CAPN8: variants seen among roughly 807,000 people sequenced by gnomAD.
CAPN8 encodes the protein calpain 8.
In CAPN8, 87 loss-of-function variants were observed where a neutral mutation model predicts 80.9. The ratio of observed to expected loss-of-function variants is 1.07; its 90% CI spans 0.90 to 1.28. The LOEUF is 1.28. Ranked by LOEUF, CAPN8 falls within the 50% of genes most tolerant of loss-of-function variation. CAPN8 has a pLI of 0.00. For missense variants in CAPN8, 757 were observed against 702.0 expected (o/e 1.08, Z -0.89); for synonymous variants, 299 against 273.8 (o/e 1.09, Z -0.91).
At chr1:223,553,346 C>T (rs1656840439) in intron 14 of CAPN8, among the ~76,000 whole-genome samples, 1 of 152,216 alleles carries the variant, frequency 6.6e-6, no homozygotes, top group South Asian at 2.1e-4. Context: ...ATTCCTCAGG[C>T]TGCTGGTCTC....
At chr1:223,619,556 G>T in intron 8 of CAPN8, 103 bp from the exon 9 acceptor site, 1 of 1,249,982 alleles carries the variant, frequency 8.0e-7, no homozygotes, top group Non-Finnish European at 1.1e-6. Context: ...AGGCCCTAGA[G>T]GCCGTGGGCT....
intron 14 of CAPN8, among the ~76,000 whole-genome samples, chr1:223,552,291 C>T (rs375705480): frequency 1.2e-4 from 18 of 152,252 alleles, no homozygotes; most frequent in South Asian, 1.0e-3. Flanking sequence ...GGGCCAGGCA[C>T]GGTGGCTCAC....
At chr1:223,558,682 G>A (rs1335825187) in intron 12 of CAPN8, among the ~76,000 whole-genome samples, 1 of 151,736 alleles carries the variant, frequency 6.6e-6, no homozygotes, top group Non-Finnish European at 1.5e-5. Flanking sequence ...AGTGTGTGCG[G>A]TATGTACATG....
At chr1:223,655,999 G>C (rs1214854067) in intron 1 of CAPN8, among the ~76,000 whole-genome samples, 1 of 152,154 alleles carries the variant, frequency 6.6e-6, no homozygotes, top group African/African-American at 2.4e-5. Flanking sequence ...AAGCAGGAGG[G>C]TGGGCTGAGG....
chr1:223,543,160 A>T lies in CAPN8; in HGVS notation c.2036T>A (p.Phe679Tyr). Residue 679 changes from phenylalanine to tyrosine, a missense_variant, in exon 20 of 21, where the codon TTC becomes TAC. Transcript: ENST00000366872. The part of the protein sequence containing the change: ...MIRLETLFKL[F>Y]SLLDEDKDGM... Reference sequence around the variant, plus strand: ...ATCCTTGTCTTCGTCCAGAAGGCTGAATAGTTCTAAAACACCAGAGAAGGA... The same window carrying T: ...ATCCTTGTCTTCGTCCAGAAGGCTGTATAGTTCTAAAACACCAGAGAAGGA... 6.4e-7 allele frequency: 1 copy of T among 1,551,682 alleles called. No individual in the cohort carries two copies. Among genetic ancestry groups the T allele is most frequent in the Non-Finnish European group, 8.7e-7 (1 of 1,146,982 alleles).
chr1:223,545,471 G>A, intron 16 of CAPN8, 172 bp from the exon 17 acceptor site: 1 of 1,062,678 alleles, frequency 9.4e-7, no homozygotes, highest in Non-Finnish European at 1.3e-6. Context: ...AGATTAAAAA[G>A]TCAAACGTGC....
intron 13 of CAPN8, among the ~76,000 whole-genome samples, chr1:223,557,219 C>T (rs899555057): frequency 2.1e-4 from 10 of 47,466 alleles, no homozygotes; most frequent in Non-Finnish European, 3.8e-4. Flanking sequence ...AGCAGAAACA[C>T]GAGCTTGTAA....
In CAPN8 at chr1:223,665,669, A is replaced by C. The variant is rs1281017383; in HGVS notation, c.-23T>G. Reference sequence around the variant, plus strand: ...CATGGCCGTGGGCTCTGTAGGGTGGACAGAAGGGCAGGGCTGCACTGTACT... The same window carrying C: ...CATGGCCGTGGGCTCTGTAGGGTGGCCAGAAGGGCAGGGCTGCACTGTACT... On this transcript the variant is annotated 5_prime_UTR_variant, in exon 1 of 21. Coordinates refer to ENST00000366872, the MANE Select transcript of CAPN8 (RefSeq NM_001143962.2). The C allele has an allele frequency of 7.8e-6, 12 of 1,538,462 alleles. No individual in the cohort carries two copies. The highest frequency in any genetic ancestry group is 1.1e-5 in the Non-Finnish European group (12 of 1,136,278).
intron 13 of CAPN8, among the ~76,000 whole-genome samples, chr1:223,554,653 T>G (rs932891250): frequency 2.4e-4 from 36 of 152,294 alleles, no homozygotes; most frequent in Middle Eastern, 3.4e-3. Context: ...TCAAAAGTGT[T>G]GAGAACATGG....
chr1:223,541,901 G>A, intron 20 of CAPN8, 42 bp from the exon 21 acceptor site: 1 of 1,551,330 alleles, frequency 6.4e-7, no homozygotes, highest in South Asian at 1.2e-5. Flanking sequence ...GCTTCTCAGG[G>A]GCTGGTGTGC....
chr1:223,627,450 G>T (rs1026468996), intron 4 of CAPN8, among the ~76,000 whole-genome samples: 1 of 152,220 alleles, frequency 6.6e-6, no homozygotes, highest in Non-Finnish European at 1.5e-5. Context: ...GGGGCTGGGG[G>T]CACAGATGGG....
At chr1:223,621,450 C>T (rs1316236854) in intron 7 of CAPN8, among the ~76,000 whole-genome samples, 1 of 152,106 alleles carries the variant, frequency 6.6e-6, no homozygotes, top group African/African-American at 2.4e-5. Flanking sequence ...GAGAGAAAGT[C>T]AAACAAGCCC....
At chr1:223,633,226 A>C (rs1277187499) in intron 2 of CAPN8, among the ~76,000 whole-genome samples, 4 of 152,116 alleles carry the variant, frequency 2.6e-5, no homozygotes, top group Admixed American at 6.6e-5. Context: ...TGCCCCATAA[A>C]TTGGCTCTGA....
chr1:223,656,365 A>T (rs1445310749), intron 1 of CAPN8, among the ~76,000 whole-genome samples: 1 of 152,012 alleles, frequency 6.6e-6, no homozygotes, highest in Non-Finnish European at 1.5e-5. Context: ...GCTACTCAGG[A>T]GGCTGAGGCA....
chr1:223,653,353 T>G (rs1558356999), intron 2 of CAPN8, among the ~76,000 whole-genome samples: 1 of 151,780 alleles, frequency 6.6e-6, no homozygotes, highest in African/African-American at 2.4e-5. Flanking sequence ...TAAAATAAAA[T>G]GCCTTGTGAT....
chr1:223,543,084 T>G, intron 20 of CAPN8, 24 bp downstream of exon 20: 1 of 1,551,182 alleles, frequency 6.4e-7, no homozygotes, highest in Non-Finnish European at 8.7e-7. Flanking sequence ...CAGCCAGCAA[T>G]TCATCAAACC....
Position 223,619,527 on chromosome 1 carries a change from G to A in CAPN8, c.975-74C>T, listed in dbSNP as rs908131898. 12 of 1,501,098 alleles carry A rather than the reference G, an allele frequency of 8.0e-6. No homozygotes were observed. The Admixed American group carries it at 1.8e-4, about 23-fold the overall frequency. 93.0% of individuals were successfully genotyped at this position (1,501,098 alleles called of 1,614,324 possible). On this transcript the variant is annotated intron_variant, in intron 8 of 20. Transcript: ENST00000366872. Reference sequence around the variant, plus strand: ...ATTAAAGGCACGCATACTGAGCACGGGAAGGAGCCCTGTGGCACAGGCCCT... The same window carrying A: ...ATTAAAGGCACGCATACTGAGCACGAGAAGGAGCCCTGTGGCACAGGCCCT...
intron 9 of CAPN8, chr1:223,618,137 A>T: frequency 7.7e-7 from 1 of 1,305,772 alleles, no homozygotes; most frequent in South Asian, 1.4e-5. Flanking sequence ...GATCAACAGC[A>T]AACCAGGCAG....
At position 223,622,238 on chromosome 1, in the gene CAPN8, TCCTGGGACATCACCA is replaced by T. The variant is rs377619855; in HGVS notation, c.899+562_899+576del. Among the ~76,000 whole-genome samples, 844 of 152,294 alleles carry T rather than the reference TCCTGGGACATCACCA, an allele frequency of 5.5e-3. 8 individuals carry two copies. Among genetic ancestry groups the T allele is most frequent in the African/African-American group, 0.019 (769 of 41,562 alleles). On this transcript the variant is annotated intron_variant, in intron 7 of 20. Coordinates refer to ENST00000366872, the MANE Select transcript of CAPN8 (RefSeq NM_001143962.2). ...GGACATGGATTCCAGGGCCCAGCTG[TCCTGGGACATCACCA>T]CCTCTGACTGACTTTCCCTCATCAG...
Sources: allele counts gnomAD v4.1 joint callset (sites outside exome capture counted in the v4.1 genomes callset), GRCh38; gene constraint gnomAD v4.1.1; transcripts MANE v1.5; gene names NCBI Gene and HGNC (gene_info 2026-07-23, HGNC 2026-07-21).